Variants in CNBD1 observed in about 807,000 individuals in gnomAD.
CNBD1 encodes the protein cyclic nucleotide binding domain containing 1, also known as cyclic nucleotide-binding domain-containing protein 1.
A neutral mutation model predicts 54.4 loss-of-function variants in CNBD1; 71 were observed. That is an observed-to-expected ratio of 1.30 (90% confidence interval 1.08 to 1.59). The LOEUF (loss-of-function observed/expected upper bound fraction) is 1.59, where lower values mean the gene tolerates loss of function less well. CNBD1 is among the 40% of genes most tolerant of loss of function. The pLI is 0.00. For synonymous variants in CNBD1, 182 were observed against 170.7 expected (o/e 1.07, Z -0.51); for missense variants, 659 against 518.0 (o/e 1.27, Z -2.64).
intron 2 of CNBD1, among the ~76,000 whole-genome samples, chr8:87,422,755 G>A (rs910543082): frequency 1.6e-3 from 240 of 152,150 alleles, no homozygotes; most frequent in African/African-American, 5.1e-3. Flanking sequence ...TTGACGATGC[G>A]GGCTCTTTTT....
At chr8:87,289,139 TTA>T (rs1808744620) in intron 8 of CNBD1, among the ~76,000 whole-genome samples, 2 of 152,102 alleles carry the variant, frequency 1.3e-5, no homozygotes, top group Admixed American at 6.6e-5. Context: ...CCAAGCATAA[TTA>T]TGTGTGTTTT....
At chr8:87,148,812 G>T (rs947161921) in intron 4 of CNBD1, among the ~76,000 whole-genome samples, 2 of 152,152 alleles carry the variant, frequency 1.3e-5, no homozygotes, top group African/African-American at 4.8e-5. Context: ...TATATTTTCA[G>T]AAGTCTCTGT....
chr8:87,205,511 C>T (rs530357762), intron 4 of CNBD1, among the ~76,000 whole-genome samples: 8 of 152,138 alleles, frequency 5.3e-5, no homozygotes, highest in South Asian at 2.1e-4. Flanking sequence ...AAAGTACATA[C>T]GTATCTTTTC....
Position 87,364,432 on chromosome 8 carries a change from A to G in CNBD1, c.1303+10646A>G, listed in dbSNP as rs145488711. On this transcript the variant is annotated intron_variant, in intron 10 of 10. Transcript: ENST00000518476. Reference sequence around the variant, plus strand: ...ATTTTTTCTCTATCAAGTGTATTAAACTGTTTTACTTTTTAATTCTTTTAA... The same window carrying G: ...ATTTTTTCTCTATCAAGTGTATTAAGCTGTTTTACTTTTTAATTCTTTTAA... Among the ~76,000 whole-genome samples the G allele has an allele frequency of 7.2e-4, 109 of 151,296 alleles. 3 individuals are homozygous for G. In the East Asian group the frequency reaches 0.018, roughly 25 times the overall value.
chr8:87,154,370 C>T (rs138855552), intron 4 of CNBD1, among the ~76,000 whole-genome samples: 15 of 152,188 alleles, frequency 9.9e-5, no homozygotes, highest in African/African-American at 3.1e-4. Context: ...TAAAGGCCAT[C>T]GGAAGCTGGT....
chr8:87,275,956 A>G (rs1344179150), intron 6 of CNBD1, among the ~76,000 whole-genome samples: 2 of 151,898 alleles, frequency 1.3e-5, no homozygotes, highest in Non-Finnish European at 2.9e-5. Context: ...TCATGAGTGA[A>G]CTCCCATTCA....
chr8:86,879,965 T>C (rs751780069), intron 1 of CNBD1, among the ~76,000 whole-genome samples: 8 of 152,074 alleles, frequency 5.3e-5, no homozygotes, highest in Admixed American at 3.3e-4. Flanking sequence ...GGTACAATTA[T>C]AAAAAGAATG....
intron 10 of CNBD1, among the ~76,000 whole-genome samples, chr8:87,357,944 T>C (rs1586043534): frequency 6.6e-6 from 1 of 152,156 alleles, no homozygotes; most frequent in Non-Finnish European, 1.5e-5. Flanking sequence ...GAGTGAGTTG[T>C]TTCTCTGTGA....
At chr8:87,423,473 T>C (rs1178248337) in intron 2 of CNBD1, among the ~76,000 whole-genome samples, 1 of 151,494 alleles carries the variant, frequency 6.6e-6, no homozygotes, top group Non-Finnish European at 1.5e-5. Flanking sequence ...TTATTGAGAG[T>C]TTTTAGCATG....
In CNBD1 at chr8:87,279,353, G is replaced by A. The variant is rs1014148203; in HGVS notation, c.772-5325G>A. Reference sequence around the variant, plus strand: ...CAAAATTTAGCAATAAGTAGGAAATGACACAAAGAAATAGAAAAATAGCAA... The same window carrying A: ...CAAAATTTAGCAATAAGTAGGAAATAACACAAAGAAATAGAAAAATAGCAA... On this transcript the variant is annotated intron_variant, in intron 6 of 10. Transcript: ENST00000518476. Among the ~76,000 whole-genome samples, 17 of 151,450 alleles carry A rather than the reference G, an allele frequency of 1.1e-4. 1 individual carries two copies. The highest frequency in any genetic ancestry group is 4.1e-4 in the African/African-American group (17 of 41,480).
intron 1 of CNBD1, among the ~76,000 whole-genome samples, chr8:86,871,123 A>C (rs1010196080): frequency 4.6e-5 from 7 of 152,220 alleles, no homozygotes; most frequent in African/African-American, 1.7e-4. Context: ...AGTGGCGTTT[A>C]GAAATTAAGC....
chr8:87,328,358 CTACTT>C (rs1158130090), intron 8 of CNBD1, among the ~76,000 whole-genome samples: 1 of 151,616 alleles, frequency 6.6e-6, no homozygotes, highest in African/African-American at 2.4e-5. Flanking sequence ...AATCTTTTAA[CTACTT>C]TATTTAATAT....
intron 4 of CNBD1, among the ~76,000 whole-genome samples, chr8:87,072,217 G>A (rs2045807502): frequency 6.6e-6 from 1 of 151,992 alleles, no homozygotes; most frequent in Non-Finnish European, 1.5e-5. Context: ...CGTGTAAGAT[G>A]TGTCCCTTGA....
intron 6 of CNBD1, among the ~76,000 whole-genome samples, chr8:87,269,303 A>G (rs1190172888): frequency 6.6e-6 from 1 of 152,020 alleles, no homozygotes; most frequent in Admixed American, 6.6e-5. Context: ...TACTAGTACT[A>G]TGCTGTTTTG....
intron 4 of CNBD1, among the ~76,000 whole-genome samples, chr8:86,978,532 ATCT>A (rs1808395502): frequency 3.9e-5 from 3 of 76,828 alleles, no homozygotes; most frequent in African/African-American, 4.9e-5. Context: ...ACATGCTTTT[ATCT>A]TTTTTTTTTT....
At chr8:87,248,273 G>T (rs971762757) in intron 6 of CNBD1, among the ~76,000 whole-genome samples, 1 of 152,102 alleles carries the variant, frequency 6.6e-6, no homozygotes, top group African/African-American at 2.4e-5. Flanking sequence ...AATTCATCTG[G>T]TTATAGTGCT....
chr8:87,058,896 T>C (rs975128108), intron 4 of CNBD1, among the ~76,000 whole-genome samples: 1 of 152,210 alleles, frequency 6.6e-6, no homozygotes, highest in African/African-American at 2.4e-5. Context: ...CTTGAATTTC[T>C]CCCCAGAAAA....
At chr8:86,934,441 A>G (rs1405625150) in intron 3 of CNBD1, among the ~76,000 whole-genome samples, 1 of 152,132 alleles carries the variant, frequency 6.6e-6, no homozygotes, top group Non-Finnish European at 1.5e-5. Context: ...CGTCATCTGC[A>G]AAAAATAACA....
chr8:87,043,600 C>T (rs933045288), intron 4 of CNBD1, among the ~76,000 whole-genome samples: 1 of 152,146 alleles, frequency 6.6e-6, no homozygotes, highest in Non-Finnish European at 1.5e-5. Context: ...CCCTCAGCTG[C>T]GTGGGAAACA....
Sources: gnomAD v4.1 joint callset for allele counts (sites outside exome capture counted in the v4.1 genomes callset) on GRCh38, gnomAD v4.1.1 for gene constraint, MANE v1.5 for transcripts, NCBI Gene and HGNC (gene_info 2026-07-23, HGNC 2026-07-21) for gene names.